TMEM35A: variants seen among roughly 807,000 people sequenced by gnomAD.
The protein encoded by TMEM35A is nicotinic acetylcholine receptor chaperone.
For synonymous variants in TMEM35A, 50 were observed against 54.7 expected, an observed-to-expected ratio of 0.91 and a Z score of 0.38; for missense variants, 83 against 132.7, an observed-to-expected ratio of 0.63 and a Z score of 1.84.
chrX:101,087,582 C>T (rs1328555626), intron 1 of TMEM35A, among the ~76,000 whole-genome samples: 1 of 111,910 alleles, frequency 8.9e-6, no homozygotes, highest in Non-Finnish European at 1.9e-5. Context: ...AAAAAGATTA[C>T]TGAAGTTATA....
intron 1 of TMEM35A, among the ~76,000 whole-genome samples, chrX:101,086,037 G>T (rs2089306460): frequency 8.9e-6 from 1 of 112,228 alleles, no homozygotes; most frequent in Admixed American, 9.5e-5. Flanking sequence ...CATACCACAA[G>T]AATGGATCTG....
At position 101,095,770 on chromosome X, in the gene TMEM35A, A is replaced by C. The variant is rs531374802; in HGVS notation, c.*814A>C. On this transcript the variant is annotated 3_prime_UTR_variant, in exon 2 of 2. Coordinates refer to ENST00000372930, the MANE Select transcript of TMEM35A (RefSeq NM_021637.3). ...CTCACAGTTTGAAACTGAAGCAGTA[A>C]ACTTGTTTCCAGACATCTTTTTCAG... 6 of 111,741 alleles carry C rather than the reference A, an allele frequency of 5.4e-5. No homozygotes were observed. The East Asian group carries it at 1.4e-3, about 26-fold the overall frequency. The allele number at this position is 111,741 out of a possible 1,213,427, so 9.2% of individuals were successfully genotyped here. A position where few individuals can be genotyped will look rare whatever the true frequency, so the allele number is the denominator to read the frequency against.
rs1253415198 is a variant in TMEM35A at position 101,094,979 on chromosome X, G to C, written c.*23G>C. ...TAGAAAAGTGGAAGTGCAAAGAGTGGACCTTCCAGGCAGTTGCGTCCATGA... is the reference window on the plus strand; with the variant it reads ...TAGAAAAGTGGAAGTGCAAAGAGTGCACCTTCCAGGCAGTTGCGTCCATGA... On this transcript the variant is annotated 3_prime_UTR_variant, in exon 2 of 2. Coordinates refer to ENST00000372930, the MANE Select transcript of TMEM35A (RefSeq NM_021637.3). 2 of 1,147,925 alleles carry C rather than the reference G, an allele frequency of 1.7e-6. No homozygotes were observed. The highest frequency in any genetic ancestry group is 3.6e-5 in the African/African-American group (2 of 55,543). 94.6% of individuals were successfully genotyped at this position (1,147,925 alleles called of 1,213,427 possible).
At chrX:101,081,402 T>TACAGAG (rs2089291537) in intron 1 of TMEM35A, 1 of 112,270 alleles carries the variant, frequency 8.9e-6, no homozygotes, top group South Asian at 3.6e-4. Context: ...GGAAATTCAG[T>TACAGAG]TCTAGTACAG....
intron 1 of TMEM35A, among the ~76,000 whole-genome samples, chrX:101,080,750 A>C (rs1487679050): frequency 2.7e-5 from 3 of 110,649 alleles, no homozygotes; most frequent in African/African-American, 9.9e-5. Context: ...TTTACTTTTC[A>C]TATGTACATA....
Position 101,078,928 on chromosome X carries a change from T to C in TMEM35A, c.-75T>C. 1 of 1,185,834 alleles carries C rather than the reference T, an allele frequency of 8.4e-7. No individual in the cohort carries two copies. The highest frequency in any genetic ancestry group is 1.1e-6 in the Non-Finnish European group (1 of 876,737). ...CGCAGCGTCCCCCCAGCTCTCCCTGTGCTAACTGCCTGCACCTTGGACAGA... is the reference window on the plus strand; with the variant it reads ...CGCAGCGTCCCCCCAGCTCTCCCTGCGCTAACTGCCTGCACCTTGGACAGA... On this transcript the variant is annotated 5_prime_UTR_variant, in exon 1 of 2. Transcript: ENST00000372930.
At chrX:101,093,165 C>G (rs2089328976) in intron 1 of TMEM35A, among the ~76,000 whole-genome samples, 1 of 111,841 alleles carries the variant, frequency 8.9e-6, no homozygotes, top group Admixed American at 9.5e-5. Context: ...TGTGCCTTAC[C>G]TTGTTTCATT....
intron 1 of TMEM35A, among the ~76,000 whole-genome samples, chrX:101,090,327 ATT>A (rs1199957258): frequency 4.2e-4 from 28 of 66,155 alleles, no homozygotes; most frequent in African/African-American, 3.7e-4. Context: ...TAATTTTTGT[ATT>A]TTTTTTTTTT....
intron 1 of TMEM35A, among the ~76,000 whole-genome samples, chrX:101,090,898 G>A (rs1265946418): frequency 5.6e-5 from 6 of 106,638 alleles, no homozygotes; most frequent in African/African-American, 1.0e-4. Context: ...GTGCAATGGC[G>A]TGATCTCGGG....
intron 1 of TMEM35A, among the ~76,000 whole-genome samples, chrX:101,084,889 A>G (rs911254054): frequency 6.3e-5 from 7 of 110,531 alleles, no homozygotes; most frequent in Non-Finnish European, 1.3e-4. Flanking sequence ...CAAACAACAC[A>G]AAACAAAAAG....
intron 1 of TMEM35A, among the ~76,000 whole-genome samples, chrX:101,087,813 G>A (rs777231978): frequency 1.8e-5 from 2 of 111,346 alleles, no homozygotes; most frequent in South Asian, 7.5e-4. Context: ...AGACGAGCCT[G>A]GCCAACATAG....
At position 101,090,169 on chromosome X, in the gene TMEM35A, C is replaced by CTTTTTTTTTTTTTTTTT. The variant is rs771239790; in HGVS notation, c.121-4393_121-4392insTTTTTTTTTTTTTTTTT. Among the ~76,000 whole-genome samples the CTTTTTTTTTTTTTTTTT allele has an allele frequency of 1.1e-3, 104 of 97,468 alleles. 5 individuals carry two copies. The highest frequency in any genetic ancestry group is 3.2e-3 in the African/African-American group (72 of 22,727). 84.6% of individuals were successfully genotyped at this position (97,468 alleles called of 115,157 possible). A position where few individuals can be genotyped will look rare whatever the true frequency, so the allele number is the denominator to read the frequency against. ...ACTCTGTCTTTCCATTTCTTTCTTT[C>CTTTTTTTTTTTTTTTTT]TTTTTTTTTTTGAGACAGAGTCTTG... On this transcript the variant is annotated intron_variant, in intron 1 of 1. Coordinates refer to ENST00000372930, the MANE Select transcript of TMEM35A (RefSeq NM_021637.3).
At chrX:101,079,893 A>G (rs1163867866) in intron 1 of TMEM35A, among the ~76,000 whole-genome samples, 1 of 111,900 alleles carries the variant, frequency 8.9e-6, no homozygotes, top group East Asian at 2.8e-4. Flanking sequence ...CCCTCTGCAG[A>G]GTTGGAATCA....
At chrX:101,079,554 G>C (rs1034045446) in intron 1 of TMEM35A, among the ~76,000 whole-genome samples, 4 of 111,307 alleles carry the variant, frequency 3.6e-5, no homozygotes, top group African/African-American at 1.3e-4. Flanking sequence ...AAGAGGAAAA[G>C]AGCTGGGAAA....
At chrX:101,094,022 T>G (rs1018216889) in intron 1 of TMEM35A, among the ~76,000 whole-genome samples, 47 of 112,071 alleles carry the variant, frequency 4.2e-4, no homozygotes, top group Non-Finnish European at 8.1e-4. Flanking sequence ...GGGTTATGAT[T>G]TCAACATATG....
Position 101,095,145 on chromosome X carries a change from C to A in TMEM35A, c.*189C>A. Reference sequence around the variant, plus strand: ...TGACTTCCCCACATTGACATTTGTGCGCCACCTTTAATCACTCTGGGGCAA... The same window carrying A: ...TGACTTCCCCACATTGACATTTGTGAGCCACCTTTAATCACTCTGGGGCAA... On this transcript the variant is annotated 3_prime_UTR_variant, in exon 2 of 2. Transcript: ENST00000372930. 1 of 457,601 alleles carries A rather than the reference C, an allele frequency of 2.2e-6. No individual in the cohort carries two copies. The highest frequency in any genetic ancestry group is 3.9e-5 in the East Asian group (1 of 25,426). The allele number at this position is 457,601 out of a possible 1,213,427, so 37.7% of individuals were successfully genotyped here.
chrX:101,091,655 G>C (rs2089324710), intron 1 of TMEM35A, among the ~76,000 whole-genome samples: 1 of 111,812 alleles, frequency 8.9e-6, no homozygotes, highest in Admixed American at 9.5e-5. Context: ...ATAAGACAAA[G>C]TCCAGCTCCA....
Position 101,084,588 on chromosome X carries a change from G to A in TMEM35A, c.120+5466G>A, listed in dbSNP as rs2089301529. On this transcript the variant is annotated intron_variant, in intron 1 of 1. Coordinates refer to ENST00000372930, the MANE Select transcript of TMEM35A (RefSeq NM_021637.3). The stretch of plus-strand genomic sequence containing the variant: ...CATATTAAGAAAAAGCACATTGCCA[G>A]GTGCTGTGGCTCACGCCTGTAATCC... Among the ~76,000 whole-genome samples, 3 of 112,051 alleles carry A rather than the reference G, an allele frequency of 2.7e-5. No homozygotes were observed. In the South Asian group the frequency reaches 1.1e-3, roughly 41 times the overall value.
chrX:101,079,692 CA>C (rs2089286289), intron 1 of TMEM35A, among the ~76,000 whole-genome samples: 1 of 111,630 alleles, frequency 9.0e-6, no homozygotes, highest in Admixed American at 9.6e-5. Context: ...ATTCTTGGCC[CA>C]AATAAAGGTC....
Sources: gnomAD v4.1 joint callset for allele counts (sites outside exome capture counted in the v4.1 genomes callset) on GRCh38, gnomAD v4.1.1 for gene constraint, MANE v1.5 for transcripts, NCBI Gene and HGNC (gene_info 2026-07-23, HGNC 2026-07-21) for gene names.